BTC: variants seen among roughly 807,000 people sequenced by gnomAD.
The protein encoded by BTC is betacellulin, also known as probetacellulin.
A neutral mutation model predicts 18.1 loss-of-function variants in BTC; 13 were observed. The ratio of observed to expected loss-of-function variants is 0.72; its 90% CI spans 0.47 to 1.14. The LOEUF (loss-of-function observed/expected upper bound fraction) is 1.14. BTC is among the 50% of genes most tolerant of loss of function. BTC has a pLI of 0.00. For missense variants in BTC, 247 were observed against 224.2 expected, an observed-to-expected ratio of 1.10 and a Z score of -0.65; for synonymous variants, 83 against 79.4, an observed-to-expected ratio of 1.05 and a Z score of -0.24.
chr4:74,772,297 C>T (rs892308670), intron 1 of BTC, among the ~76,000 whole-genome samples: 1 of 152,134 alleles, frequency 6.6e-6, no homozygotes, highest in Non-Finnish European at 1.5e-5. Context: ...TGCAATTTGG[C>T]TACCAAATTT....
chr4:74,788,385 C>A (rs1725538209), intron 1 of BTC, among the ~76,000 whole-genome samples: 1 of 152,188 alleles, frequency 6.6e-6, no homozygotes, highest in African/African-American at 2.4e-5. Context: ...TTCCCCTAAT[C>A]ACTCCAGCCT....
intron 3 of BTC, 93 bp downstream of exon 3, chr4:74,755,766 G>A: frequency 8.4e-7 from 1 of 1,183,958 alleles, no homozygotes; most frequent in Non-Finnish European, 1.2e-6. Context: ...TCGGACAGAT[G>A]GCATGGTTAG....
At chr4:74,774,496 C>T (rs1725125838) in intron 1 of BTC, among the ~76,000 whole-genome samples, 1 of 151,788 alleles carries the variant, frequency 6.6e-6, no homozygotes, top group African/African-American at 2.4e-5. Flanking sequence ...TGTTATAAGC[C>T]TTTTAGTACT....
rs116503782 is a variant in BTC at position 74,747,483 on chromosome 4, T to C, written c.*1+557A>G. Among the ~76,000 whole-genome samples the C allele has an allele frequency of 1.9e-3, 289 of 152,254 alleles. 1 individual carries two copies. The highest frequency in any genetic ancestry group is 6.7e-3 in the African/African-American group (278 of 41,536). On this transcript the variant is annotated intron_variant, in intron 5 of 5. Transcript: ENST00000395743. The stretch of plus-strand genomic sequence containing the variant: ...GTGCCTCTGAATGCTAAGGTAATAT[T>C]TACCTTGGCCCTTCCTGTAGAGGAA...
intron 1 of BTC, among the ~76,000 whole-genome samples, chr4:74,772,484 T>C (rs960416811): frequency 2.6e-5 from 4 of 152,094 alleles, no homozygotes; most frequent in African/African-American, 9.7e-5. Context: ...AAAGACTGAG[T>C]GAATCAATCT....
At chr4:74,786,743 T>G (rs970977931) in intron 1 of BTC, among the ~76,000 whole-genome samples, 1 of 152,198 alleles carries the variant, frequency 6.6e-6, no homozygotes, top group East Asian at 1.9e-4. Context: ...TTTAAAAGTT[T>G]ACATTTCGAC....
At chr4:74,761,606 A>G (rs1184062935) in intron 2 of BTC, among the ~76,000 whole-genome samples, 1 of 152,172 alleles carries the variant, frequency 6.6e-6, no homozygotes, top group African/African-American at 2.4e-5. Flanking sequence ...AGTAAATCAT[A>G]TCCATTCTTC....
intron 1 of BTC, among the ~76,000 whole-genome samples, chr4:74,783,587 C>CTTTTT (rs71220728): frequency 2.5e-4 from 21 of 83,530 alleles, no homozygotes; most frequent in African/African-American, 7.6e-4. Context: ...CTATTCGGCT[C>CTTTTT]TTTTTTTTTT....
intron 2 of BTC, among the ~76,000 whole-genome samples, chr4:74,767,939 C>T (rs368116614): frequency 5.7e-4 from 87 of 152,168 alleles, no homozygotes; most frequent in Non-Finnish European, 9.1e-4. Flanking sequence ...TGCAAGAAAA[C>T]GTAAGATAAC....
intron 1 of BTC, among the ~76,000 whole-genome samples, chr4:74,780,827 G>T (rs376267974): frequency 1.3e-5 from 2 of 151,430 alleles, no homozygotes; most frequent in Non-Finnish European, 2.9e-5. Flanking sequence ...AAAATTCTTC[G>T]TTATTGGTTT....
At chr4:74,794,139 C>T in intron 1 of BTC, 123 bp downstream of exon 1, 1 of 1,283,306 alleles carries the variant, frequency 7.8e-7, no homozygotes, top group Non-Finnish European at 1.1e-6. Flanking sequence ...GTTCTCCAAC[C>T]CGCGCCTGCC....
intron 4 of BTC, among the ~76,000 whole-genome samples, chr4:74,749,959 G>C (rs1247234947): frequency 1.3e-5 from 2 of 149,214 alleles, no homozygotes; most frequent in Non-Finnish European, 3.0e-5. Context: ...AGCCTGGCTT[G>C]GTGGCACACA....
intron 2 of BTC, among the ~76,000 whole-genome samples, chr4:74,758,081 G>A (rs1724651093): frequency 6.6e-6 from 1 of 152,152 alleles, no homozygotes; most frequent in Non-Finnish European, 1.5e-5. Context: ...AGATTTTAGA[G>A]GAGGTGAACA....
chr4:74,765,250 T>C (rs1212939259), intron 2 of BTC, among the ~76,000 whole-genome samples: 1 of 151,504 alleles, frequency 6.6e-6, no homozygotes, highest in East Asian at 1.9e-4. Context: ...GAACAATACA[T>C]GAACAAATTG....
chr4:74,777,315 C>A (rs971633007), intron 1 of BTC, among the ~76,000 whole-genome samples: 1 of 152,092 alleles, frequency 6.6e-6, no homozygotes, highest in African/African-American at 2.4e-5. Flanking sequence ...GCGTTTGTAA[C>A]TTAGGTAATG....
chr4:74,775,196 G>T (rs1169694446), intron 1 of BTC, among the ~76,000 whole-genome samples: 2 of 152,120 alleles, frequency 1.3e-5, no homozygotes, highest in Non-Finnish European at 2.9e-5. Context: ...AAGCCAAGCT[G>T]CAGGTTCTAT....
intron 1 of BTC, among the ~76,000 whole-genome samples, chr4:74,792,355 T>C (rs1725655380): frequency 6.6e-6 from 1 of 152,192 alleles, no homozygotes; most frequent in African/African-American, 2.4e-5. Flanking sequence ...GGAAAGAATG[T>C]CCATCGACTT....
chr4:74,767,752 G>C (rs1207736258), intron 2 of BTC, among the ~76,000 whole-genome samples: 1 of 151,942 alleles, frequency 6.6e-6, no homozygotes, highest in Non-Finnish European at 1.5e-5. Flanking sequence ...ATGAACAACT[G>C]ATCTTCAGCA....
intron 1 of BTC, among the ~76,000 whole-genome samples, chr4:74,793,033 G>A (rs181058291): frequency 6.6e-6 from 1 of 152,170 alleles, no homozygotes; most frequent in Non-Finnish European, 1.5e-5. Flanking sequence ...TTGACTGTTG[G>A]ATAGTTTAGA....
Sources: allele counts gnomAD v4.1 joint callset (sites outside exome capture counted in the v4.1 genomes callset), GRCh38; gene constraint gnomAD v4.1.1; transcripts MANE v1.5; gene names NCBI Gene and HGNC (gene_info 2026-07-23, HGNC 2026-07-21).